Variants in LINGO2 observed in about 807,000 individuals in gnomAD.
LINGO2 encodes the protein leucine-rich repeat and immunoglobulin-like domain-containing nogo receptor-interacting protein 2.
A neutral mutation model predicts 30.6 loss-of-function variants in LINGO2; 14 were observed. The observed-to-expected ratio is 0.46, with a 90% CI of 0.30 to 0.72. The LOEUF is 0.72. LINGO2 is among the 30% of genes least tolerant of loss of function. The pLI is 0.07. For synonymous variants in LINGO2, 317 were observed against 288.5 expected, an observed-to-expected ratio of 1.10 and a Z score of -1.00; for missense variants, 729 against 751.7, an observed-to-expected ratio of 0.97 and a Z score of 0.35.
At chr9:28,876,923 A>C in the LINGO2 span, among the ~76,000 whole-genome samples, 1 of 152,146 alleles carries the variant, frequency 6.6e-6, no homozygotes, top group South Asian at 2.1e-4. Context: ...TTGTTTCCTG[A>C]CTTTTTAATG....
At chr9:28,314,922 T>C (rs1317589041) in intron 3 of LINGO2, among the ~76,000 whole-genome samples, 1 of 150,020 alleles carries the variant, frequency 6.7e-6, no homozygotes. Flanking sequence ...GAGGCGGAGC[T>C]TGCAGTGAGC....
the LINGO2 span, among the ~76,000 whole-genome samples, chr9:29,018,300 T>C: frequency 6.6e-6 from 1 of 151,472 alleles, no homozygotes; most frequent in South Asian, 2.1e-4. Flanking sequence ...TCAAGATGAC[T>C]AGCTGGGGGA....
the LINGO2 span, among the ~76,000 whole-genome samples, chr9:29,011,609 C>T: frequency 2.8e-4 from 42 of 152,268 alleles, no homozygotes; most frequent in Admixed American, 2.1e-3. Flanking sequence ...TTATCAATTT[C>T]GCAAAACATT....
intron 2 of LINGO2, among the ~76,000 whole-genome samples, chr9:28,410,105 G>C (rs1822702004): frequency 6.7e-6 from 1 of 149,302 alleles, no homozygotes; most frequent in Admixed American, 6.8e-5. Context: ...TAGGAAGAAA[G>C]GAAGGAAGGA....
At chr9:29,103,988 G>C in the LINGO2 span, among the ~76,000 whole-genome samples, 1 of 152,124 alleles carries the variant, frequency 6.6e-6, no homozygotes, top group South Asian at 2.1e-4. Context: ...TAACCACTCA[G>C]TTATCAGGAT....
At chr9:28,993,797 G>C in the LINGO2 span, among the ~76,000 whole-genome samples, 1 of 151,820 alleles carries the variant, frequency 6.6e-6, no homozygotes, top group Non-Finnish European at 1.5e-5. Flanking sequence ...TGCAAAAAAG[G>C]CCTTGGAGAA....
the LINGO2 span, among the ~76,000 whole-genome samples, chr9:29,030,380 C>T: frequency 6.6e-6 from 1 of 151,870 alleles, no homozygotes; most frequent in Admixed American, 6.6e-5. Flanking sequence ...ACCTATATAC[C>T]CCTCATCCGG....
chr9:28,140,020 A>G (rs1353175393), intron 4 of LINGO2, among the ~76,000 whole-genome samples: 1 of 152,230 alleles, frequency 6.6e-6, no homozygotes, highest in Non-Finnish European at 1.5e-5. Context: ...TGATGTGCAT[A>G]CAGACATATA....
At chr9:28,902,546 G>A in the LINGO2 span, among the ~76,000 whole-genome samples, 1 of 152,212 alleles carries the variant, frequency 6.6e-6, no homozygotes, top group East Asian at 1.9e-4. Flanking sequence ...TCTAACAGGT[G>A]TATAGAGAGC....
At chr9:29,166,672 C>G in the LINGO2 span, among the ~76,000 whole-genome samples, 2 of 152,120 alleles carry the variant, frequency 1.3e-5, no homozygotes, top group African/African-American at 4.8e-5. Context: ...TCTGGAATTT[C>G]CAGTCCAAAG....
the LINGO2 span, among the ~76,000 whole-genome samples, chr9:28,845,159 G>GA: frequency 2.0e-5 from 3 of 151,878 alleles, no homozygotes; most frequent in South Asian, 6.2e-4. Flanking sequence ...TTTACGGTAG[G>GA]AAAAAATGTA....
At chr9:28,508,227 T>A (rs1820230670) in intron 1 of LINGO2, among the ~76,000 whole-genome samples, 1 of 152,112 alleles carries the variant, frequency 6.6e-6, no homozygotes, top group Non-Finnish European at 1.5e-5. Context: ...TCAAAAAAAA[T>A]CATTACATCT....
chr9:29,184,907 C>T, the LINGO2 span, among the ~76,000 whole-genome samples: 1 of 152,118 alleles, frequency 6.6e-6, no homozygotes, highest in African/African-American at 2.4e-5. Flanking sequence ...CATACCATTA[C>T]TTTTTTGCAT....
At position 28,405,005 on chromosome 9, in the gene LINGO2, G is replaced by A. The variant is rs575235730; in HGVS notation, c.-278-32137C>T. ...GGAATTTCATTTGGAGCAAGCCAGC[G>A]GAAATTTAATTTTCAATTAAATTTA... On this transcript the variant is annotated intron_variant, in intron 2 of 5. Coordinates refer to ENST00000379992, the Ensembl canonical transcript of LINGO2. 6.1e-4 allele frequency among the ~76,000 whole-genome samples: 92 copies of A among 151,754 alleles called. 2 individuals are homozygous for A. The Middle Eastern group carries it at 0.017, about 28-fold the overall frequency.
chr9:28,068,243 C>G (rs1825371475), intron 4 of LINGO2, among the ~76,000 whole-genome samples: 1 of 152,138 alleles, frequency 6.6e-6, no homozygotes, highest in Non-Finnish European at 1.5e-5. Context: ...TCTGACATTT[C>G]TAGAGGCTGC....
the LINGO2 span, among the ~76,000 whole-genome samples, chr9:28,991,992 C>T: frequency 1.1e-4 from 16 of 152,146 alleles, no homozygotes; most frequent in Non-Finnish European, 2.9e-5. Context: ...ATCATAATGA[C>T]AGAAACAAAT....
the LINGO2 span, among the ~76,000 whole-genome samples, chr9:28,931,617 T>C: frequency 6.6e-6 from 1 of 152,234 alleles, no homozygotes; most frequent in Non-Finnish European, 1.5e-5. Context: ...AAGAAAAATC[T>C]CTTTTCATAG....
intron 4 of LINGO2, among the ~76,000 whole-genome samples, chr9:28,118,388 C>A (rs1826996431): frequency 6.6e-6 from 1 of 152,062 alleles, no homozygotes; most frequent in South Asian, 2.1e-4. Context: ...CCAGTTGTCT[C>A]CAGATTTTCA....
At chr9:28,733,167 A>C in the LINGO2 span, among the ~76,000 whole-genome samples, 1 of 152,148 alleles carries the variant, frequency 6.6e-6, no homozygotes, top group Non-Finnish European at 1.5e-5. Flanking sequence ...AGAAATCTGA[A>C]AGTATTATTT....
Sources: gnomAD v4.1 joint callset for allele counts (sites outside exome capture counted in the v4.1 genomes callset) on GRCh38, gnomAD v4.1.1 for gene constraint, MANE v1.5 for transcripts, NCBI Gene and HGNC (gene_info 2026-07-23, HGNC 2026-07-21) for gene names.